The following LILRB2 variants were observed in gnomAD, a reference collection of about 807,000 sequenced individuals.
The protein encoded by LILRB2 is leukocyte immunoglobulin-like receptor subfamily B member 2.
In LILRB2, 47 loss-of-function variants were observed where a neutral mutation model predicts 72.7. The observed-to-expected ratio is 0.65, with a 90% CI of 0.51 to 0.82. The LOEUF (loss-of-function observed/expected upper bound fraction) is 0.82, where lower values mean the gene tolerates loss of function less well. Ranked by LOEUF, LILRB2 falls within the 40% of genes least tolerant of loss-of-function variation. The probability of loss-of-function intolerance (pLI) is 0.00; values close to 1 mark genes in which losing one functional copy is unlikely to be tolerated. For missense variants in LILRB2, 767 were observed against 764.8 expected, an observed-to-expected ratio of 1.00 and a Z score of -0.03; for synonymous variants, 279 against 313.7, an observed-to-expected ratio of 0.89 and a Z score of 1.17.
chr19:54,276,598 A>T (rs1364717601), intron 10 of LILRB2, 142 bp from the exon 11 acceptor site: 2 of 1,436,754 alleles, frequency 1.4e-6, no homozygotes, highest in Non-Finnish European at 1.9e-6. Context: ...CAGAGTCCGA[A>T]GGACACTTTA....
intron 10 of LILRB2, 136 bp downstream of exon 10, chr19:54,276,671 T>C (rs2147759661): frequency 2.7e-6 from 4 of 1,494,944 alleles, no homozygotes; most frequent in Non-Finnish European, 3.6e-6. Flanking sequence ...TGACGTTAAG[T>C]GCTTTCTCCA....
At position 54,274,811 on chromosome 19, in the gene LILRB2, G is replaced by C. The variant is rs150493192; in HGVS notation, c.1666C>G (p.Pro556Ala). The C allele has an allele frequency of 2.5e-6, 4 of 1,613,226 alleles. No homozygotes were observed. The South Asian group carries it at 4.4e-5, about 18-fold the overall frequency. Residue 556 changes from proline (P) to alanine (A), a missense_variant, in exon 14 of 14, where the codon CCC becomes GCC. Physicochemically the swap from Pro to Ala is conservative, Grantham distance 27 (BLOSUM62 -1). Transcript: ENST00000314446. ...MDTRAAASEA[P>A]QDVTYAQLHS... The stretch of plus-strand genomic sequence containing the variant: ...AGCTGGGCGTAGGTCACATCCTGGG[G>C]GGCTTCAGATGCAGCAGCCTGCAGC...
At chr19:54,276,607 T>A (rs1435510352) in intron 10 of LILRB2, 151 bp from the exon 11 acceptor site, 1 of 1,435,726 alleles carries the variant, frequency 7.0e-7, no homozygotes, top group Non-Finnish European at 9.4e-7. Context: ...AAGGACACTT[T>A]ACATTTGTAG....
Position 54,274,551 on chromosome 19 carries a change from A to G in LILRB2, c.*132T>C. 9 of 1,497,770 alleles carry G rather than the reference A, an allele frequency of 6.0e-6. No homozygotes were observed. The highest frequency in any genetic ancestry group is 8.1e-6 in the Non-Finnish European group (9 of 1,117,800). The allele number at this position is 1,497,770 out of a possible 1,614,324, so 92.8% of individuals were successfully genotyped here. A position where few individuals can be genotyped will look rare whatever the true frequency, so the allele number is the denominator to read the frequency against. ...GAATCAAGTGAGTCCCAAAGTTCCC[A>G]GCATCTCCTCATGGTCTTTGTTAGG... On this transcript the variant is annotated 3_prime_UTR_variant, in exon 14 of 14. Coordinates refer to ENST00000314446, the MANE Select transcript of LILRB2 (RefSeq NM_001080978.4).
intron 9 of LILRB2, chr19:54,277,152 A>G: frequency 1.3e-6 from 2 of 1,503,726 alleles, no homozygotes; most frequent in Non-Finnish European, 1.8e-6. Flanking sequence ...CTGGGAAGGG[A>G]GCCTGGGAGT....
chr19:54,277,715 C>T lies in LILRB2; in HGVS notation c.1310-118G>A, dbSNP rs184032968. ...CTCTCTGCCTTGACCCCCCACCCCT[C>T]ACCAGCCCAGCCTCAGAGCCCTGGG... is the stretch of plus-strand genomic sequence containing the variant. On this transcript the variant is annotated intron_variant, in intron 8 of 13. Coordinates refer to ENST00000314446, the MANE Select transcript of LILRB2 (RefSeq NM_001080978.4). 7,727 of 1,380,084 alleles carry T rather than the reference C, an allele frequency of 5.6e-3. 128 individuals are homozygous for T. The highest frequency in any genetic ancestry group is 0.037 in the African/African-American group (2,533 of 68,734). The allele number at this position is 1,380,084 out of a possible 1,614,324, so 85.5% of individuals were successfully genotyped here.
chr19:54,279,839 G>T lies in LILRB2; in HGVS notation c.307C>A (p.Arg103Ser), dbSNP rs578109223. 1.2e-6 allele frequency: 2 copies of T among 1,614,118 alleles called. No individual in the cohort carries two copies. The highest frequency in any genetic ancestry group is 2.2e-5 in the South Asian group (2 of 91,076). ...TGRYGCQYYS[R>S]ARWSELSDPL... ...TCACTGAGCTCAGACCACCGAGCGC[G>T]GCTGTAATACTGACAGCCATATCGC... Residue 103 changes from arginine (R) to serine (S), a missense_variant, in exon 4 of 14, where the codon CGC (arginine) becomes AGC (serine). Arg to Ser is a moderately radical substitution (Grantham distance 110). Coordinates refer to ENST00000314446, the MANE Select transcript of LILRB2 (RefSeq NM_001080978.4).
chr19:54,278,347 C>T lies in LILRB2; in HGVS notation c.1171G>A (p.Ala391Thr), dbSNP rs764058129. 38 of 1,614,068 alleles carry T rather than the reference C, an allele frequency of 2.4e-5. No individual in the cohort carries two copies. The highest frequency in any genetic ancestry group is 1.6e-4 in the Middle Eastern group (1 of 6,084). ...GAGCCGTAGCACCTGTAGGTCCCCG[C>T]GTGGGCTGAGGTCACAGGACTCATG... is the stretch of plus-strand genomic sequence containing the variant. The part of the protein sequence containing the change: ...FPMSPVTSAH[A>T]GTYRCYGSLN... Residue 391 changes from alanine (A) to threonine (T), a missense_variant, in exon 7 of 14, where the codon GCG becomes ACG. Ala to Thr is a moderately conservative substitution (Grantham distance 58, BLOSUM62 0). Transcript: ENST00000314446.
intron 9 of LILRB2, chr19:54,277,203 G>A (rs1388735293): frequency 1.8e-5 from 27 of 1,531,730 alleles, no homozygotes; most frequent in East Asian, 9.8e-5. Flanking sequence ...GCCGAGCCCC[G>A]GAGCTGCAGG....
At position 54,280,661 on chromosome 19, in the gene LILRB2, G is replaced by A. The variant is rs140128507; in HGVS notation, c.-48-117C>T. The stretch of plus-strand genomic sequence containing the variant: ...TGTCATCTGCAGCCACACAAGAAGC[G>A]GAACTGCCCTCCCAGGAGCCTGACT... On this transcript the variant is annotated intron_variant, in intron 1 of 13. Transcript: ENST00000314446. 7,464 of 1,376,044 alleles carry A rather than the reference G, an allele frequency of 5.4e-3. 2 individuals carry two copies. In the South Asian group the frequency reaches 0.066, roughly 12 times the overall value. 85.2% of individuals were successfully genotyped at this position (1,376,044 alleles called of 1,614,324 possible). A position where few individuals can be genotyped will look rare whatever the true frequency, so the allele number is the denominator to read the frequency against.
rs111753747 is a variant in LILRB2 at position 54,279,942 on chromosome 19, A to G, written c.204T>C (p.Ser68=). Residue 68 remains serine, a synonymous_variant, in exon 4 of 14, where the codon TCT becomes TCC. Coordinates refer to ENST00000314446, the MANE Select transcript of LILRB2 (RefSeq NM_001080978.4). ...GCTCTGGTCGTATCCGTGTAATCCA[A>G]GATGCTGATTTTTTCTCCCTATATA... ...YRLYREKKSA[S]WITRIRPELV... 5.6e-3 allele frequency: 9,085 copies of G among 1,614,024 alleles called. 316 individuals are homozygous for G. The South Asian group carries it at 0.071, about 13-fold the overall frequency.
chr19:54,280,532 T>C lies in LILRB2; in HGVS notation c.-36A>G. 6.2e-7 allele frequency: 1 copy of C among 1,613,868 alleles called. No individual in the cohort carries two copies. Among genetic ancestry groups the C allele is most frequent in the Non-Finnish European group, 8.5e-7 (1 of 1,179,928 alleles). ...CCCACTGCCCTGCTCTGCGGATGGA[T>C]GAGCCCTCGGTGCTGGCGGGACAGA... On this transcript the variant is annotated 5_prime_UTR_variant, in exon 2 of 14. Transcript: ENST00000314446.
chr19:54,277,705 C>T (rs2080308321), intron 8 of LILRB2, 108 bp from the exon 9 acceptor site: 2 of 1,388,888 alleles, frequency 1.4e-6, no homozygotes, highest in Non-Finnish European at 2.0e-6. Context: ...TGCCTTGACC[C>T]CCCACCCCTC....
chr19:54,280,058 T>C lies in LILRB2; in HGVS notation c.88A>G (p.Thr30Ala). ...RVQTGTIPKP[T>A]LWAEPDSVIT... ...ACAGAGTCTGGCTCAGCCCACAGGG[T>C]GGGCTTGGGGATGGTCCCTGGAAGG... is the stretch of plus-strand genomic sequence containing the variant. The change falls in exon 4 of 14, where the codon ACC becomes GCC. Residue 30 changes from threonine (T) to alanine (A), a missense_variant. By Grantham distance (58) the Thr-to-Ala change is moderately conservative. Transcript: ENST00000314446. 6.2e-7 allele frequency: 1 copy of C among 1,613,836 alleles called. No individual in the cohort carries two copies. Among genetic ancestry groups the C allele is most frequent in the Non-Finnish European group, 8.5e-7 (1 of 1,179,884 alleles).
chr19:54,275,686 C>T (rs1243119901), intron 13 of LILRB2: 2 of 610,154 alleles, frequency 3.3e-6, no homozygotes, highest in Admixed American at 2.2e-5. Flanking sequence ...ATTTATTCCT[C>T]ATCCTCCAGA....
In LILRB2 at chr19:54,280,472, T is replaced by A; in HGVS notation, c.25A>T (p.Ile9Phe). 1.2e-6 allele frequency: 2 copies of A among 1,613,558 alleles called. No homozygotes were observed. Among genetic ancestry groups the A allele is most frequent in the Non-Finnish European group, 1.7e-6 (2 of 1,179,872 alleles). Residue 9 changes from isoleucine (I) to phenylalanine (F), a missense_variant, in exon 2 of 14, where the codon ATC becomes TTC. This residue lies in a region of LILRB2 where 599 missense variants were observed against 568.2 expected (regional missense o/e 1.05). Coordinates refer to ENST00000314446, the MANE Select transcript of LILRB2 (RefSeq NM_001080978.4). MTPIVTVL[I>F]CLGLSLGPRT... Reference sequence around the variant, plus strand: ...TCTCTTCAAATCTCACCGAGACAGATCAGGACTGTGACGATGGGGGTCATG... The same window carrying A: ...TCTCTTCAAATCTCACCGAGACAGAACAGGACTGTGACGATGGGGGTCATG...
chr19:54,276,806 C>G lies in LILRB2; in HGVS notation c.1480+1G>C, dbSNP rs370944249. 5.0e-6 allele frequency: 8 copies of G among 1,613,064 alleles called. No individual in the cohort carries two copies. Among genetic ancestry groups the G allele is most frequent in the Non-Finnish European group, 6.8e-6 (8 of 1,179,420 alleles). ...CACAGGGTTTCCCCTTCCCTACTCA[C>G]TCGATGTCCAGTGTTTGCCCTGACG... On this transcript the variant is annotated splice_donor_variant, in intron 10 of 13. Coordinates refer to ENST00000314446, the MANE Select transcript of LILRB2 (RefSeq NM_001080978.4). LOFTEE classifies it high-confidence loss of function.
At position 54,280,531 on chromosome 19, in the gene LILRB2, A is replaced by T; in HGVS notation, c.-35T>A. 1 of 1,613,792 alleles carries T rather than the reference A, an allele frequency of 6.2e-7. No individual in the cohort carries two copies. The highest frequency in any genetic ancestry group is 8.5e-7 in the Non-Finnish European group (1 of 1,179,920). ...TCCCACTGCCCTGCTCTGCGGATGGATGAGCCCTCGGTGCTGGCGGGACAG... is the reference window on the plus strand; with the variant it reads ...TCCCACTGCCCTGCTCTGCGGATGGTTGAGCCCTCGGTGCTGGCGGGACAG... On this transcript the variant is annotated 5_prime_UTR_variant, in exon 2 of 14. Transcript: ENST00000314446.
At chr19:54,278,761 C>T (rs1303805168) in intron 6 of LILRB2, 51 bp downstream of exon 6, 1 of 1,603,152 alleles carries the variant, frequency 6.2e-7, no homozygotes, top group East Asian at 2.2e-5. Flanking sequence ...ATTCCCCCGG[C>T]AGGGCCTGTG....
Sources: allele counts gnomAD v4.1 joint callset, GRCh38; gene constraint gnomAD v4.1.1; regional missense constraint gnomAD v4.1.1; transcripts MANE v1.5; gene names NCBI Gene and HGNC (gene_info 2026-07-23, HGNC 2026-07-21).